The following CPNE5 variants were observed in gnomAD, a reference collection of about 807,000 sequenced individuals.
CPNE5 encodes copine 5.
A neutral mutation model predicts 81.1 loss-of-function variants in CPNE5; 42 were observed. The observed-to-expected ratio is 0.52, with a 90% CI of 0.40 to 0.67. CPNE5 has a LOEUF of 0.67. Among genes scored for constraint, CPNE5 ranks in the 30% least tolerant of loss-of-function variants. The pLI is 0.00. For synonymous variants in CPNE5, 313 were observed against 321.5 expected (o/e 0.97, Z 0.28); for missense variants, 612 against 815.5 (o/e 0.75, Z 3.04).
At position 36,839,223 on chromosome 6, in the gene CPNE5, G is replaced by A; in HGVS notation, c.95+60C>T. On this transcript the variant is annotated intron_variant, in intron 1 of 20. Coordinates refer to ENST00000244751, the MANE Select transcript of CPNE5 (RefSeq NM_020939.2). This position sits in a 1 kb window ranked among gnomAD's most constrained non-coding sequence, Gnocchi z 7.3. ...CGGAGGTTTAGGATCGAAGCGGCAG[G>A]GGCCGCGGGGCTCTGCGTCCAGGGC... is the stretch of plus-strand genomic sequence containing the variant. 5.4e-6 allele frequency: 7 copies of A among 1,286,364 alleles called. No homozygotes were observed. The South Asian group carries it at 7.2e-5, about 13-fold the overall frequency. 79.7% of individuals were successfully genotyped at this position (1,286,364 alleles called of 1,614,324 possible).
At chr6:36,765,299 A>G in intron 11 of CPNE5, 36 bp downstream of exon 11, 1 of 1,608,656 alleles carries the variant, frequency 6.2e-7, no homozygotes, top group East Asian at 2.2e-5. Flanking sequence ...CCCCATCCCC[A>G]CTCACCTTCT....
At chr6:36,836,374 G>T (rs1206935107) in intron 1 of CPNE5, among the ~76,000 whole-genome samples, 1 of 152,170 alleles carries the variant, frequency 6.6e-6, no homozygotes, top group East Asian at 1.9e-4. Context: ...GCAGAAGAAG[G>T]CTCTGTGGTA....
At chr6:36,795,532 G>T (rs1461121725) in intron 6 of CPNE5, among the ~76,000 whole-genome samples, 1 of 152,098 alleles carries the variant, frequency 6.6e-6, no homozygotes, top group Non-Finnish European at 1.5e-5. Context: ...CATGGCAGTG[G>T]ACCCTAATCC....
intron 10 of CPNE5, among the ~76,000 whole-genome samples, chr6:36,767,607 C>T (rs1325760305): frequency 2.0e-5 from 3 of 152,124 alleles, no homozygotes; most frequent in Non-Finnish European, 4.4e-5. Context: ...GAATAGCTCT[C>T]CTCTGACCAC....
chr6:36,744,356 T>C (rs1286744553), intron 18 of CPNE5, 31 bp from the exon 19 acceptor site: 1 of 1,536,444 alleles, frequency 6.5e-7, no homozygotes, highest in Non-Finnish European at 8.9e-7. Flanking sequence ...CAGGGAAAGG[T>C]TGGACCCAAT....
intron 3 of CPNE5, among the ~76,000 whole-genome samples, chr6:36,803,862 T>C (rs996375156): frequency 6.6e-6 from 1 of 152,162 alleles, no homozygotes; most frequent in Non-Finnish European, 1.5e-5. Flanking sequence ...TAAATACAAA[T>C]CTCAGTGGGT....
intron 7 of CPNE5, among the ~76,000 whole-genome samples, chr6:36,794,067 G>A (rs987473936): frequency 2.0e-5 from 3 of 152,168 alleles, no homozygotes; most frequent in South Asian, 2.1e-4. Flanking sequence ...CTGGCCCACC[G>A]CAGCTGGCGA....
chr6:36,811,957 A>G (rs1040022897), intron 3 of CPNE5, among the ~76,000 whole-genome samples: 8 of 152,168 alleles, frequency 5.3e-5, no homozygotes, highest in African/African-American at 1.9e-4. Context: ...TACAAAAATT[A>G]GCTGGGGGTG....
chr6:36,748,223 T>C lies in CPNE5; in HGVS notation c.1016A>G (p.Asn339Ser), dbSNP rs745867781. 4 of 1,614,014 alleles carry C rather than the reference T, an allele frequency of 2.5e-6. No individual in the cohort carries two copies. Among genetic ancestry groups the C allele is most frequent in the East Asian group, 4.5e-5 (2 of 44,882 alleles). Residue 339 changes from asparagine (N) to serine (S), a missense_variant and splice_region_variant, in exon 15 of 21, where the codon AAT becomes AGT. Physicochemically the swap from Asn to Ser is conservative, Grantham distance 46 (BLOSUM62 1). Coordinates refer to ENST00000244751, the MANE Select transcript of CPNE5 (RefSeq NM_020939.2). Reference sequence around the variant, plus strand: ...CCTCTACCCATCCCCCAACTCACCATTGGAGGCAGTGAAATCAATGGCCAC... The same window carrying C: ...CCTCTACCCATCCCCCAACTCACCACTGGAGGCAGTGAAATCAATGGCCAC... Reference protein sequence around the residue: ...FTVAIDFTASNGNPSQSTSLH... With the variant: ...FTVAIDFTASSGNPSQSTSLH...
At chr6:36,838,519 CA>C (rs1428939234) in intron 1 of CPNE5, among the ~76,000 whole-genome samples, 3 of 152,244 alleles carry the variant, frequency 2.0e-5, no homozygotes, top group Non-Finnish European at 4.4e-5. Flanking sequence ...AAGTTACCCC[CA>C]AACCCTGTGT....
chr6:36,770,488 T>C (rs144509496), intron 10 of CPNE5, among the ~76,000 whole-genome samples: 1 of 152,310 alleles, frequency 6.6e-6, no homozygotes, highest in Non-Finnish European at 1.5e-5. Context: ...ACACCCATCA[T>C]TCCGAGAACA....
intron 10 of CPNE5, among the ~76,000 whole-genome samples, chr6:36,769,545 A>C (rs1766873550): frequency 6.6e-6 from 1 of 152,214 alleles, no homozygotes. Flanking sequence ...TGCGGCTTAC[A>C]AGTCCCGAGG....
upstream of CPNE5, chr6:36,839,473 A>G: frequency 9.5e-7 from 1 of 1,047,210 alleles, no homozygotes; most frequent in Admixed American, 2.7e-5. This position sits in a 1 kb window ranked among gnomAD's most constrained non-coding sequence, Gnocchi z 7.3. Flanking sequence ...CCAACTCCAG[A>G]GCCTGGGCTG....
In CPNE5 at chr6:36,774,992, C is replaced by T. The variant is rs181945782; in HGVS notation, c.706G>A (p.Val236Met). Residue 236 changes from valine to methionine, a missense_variant, in exon 10 of 21, where the codon GTG (valine) becomes ATG (methionine). Coordinates refer to ENST00000244751, the MANE Select transcript of CPNE5 (RefSeq NM_020939.2). ...TAGTCGCCGTTGCAGAGGGCTCTCA[C>T]GGGAATGGAGAAAGTTTGCCAGACT... The part of the protein sequence containing the change: ...NPVWQTFSIP[V>M]RALCNGDYDR... 2.6e-4 allele frequency: 427 copies of T among 1,614,114 alleles called. 2 individuals carry two copies. In the East Asian group the frequency reaches 3.1e-3, roughly 12 times the overall value.
At chr6:36,749,464 A>G (rs1209078003) in intron 14 of CPNE5, among the ~76,000 whole-genome samples, 1 of 152,184 alleles carries the variant, frequency 6.6e-6, no homozygotes, top group Non-Finnish European at 1.5e-5. Flanking sequence ...TTAATTTTTT[A>G]GGTGTGGTTA....
At chr6:36,791,956 G>A in intron 8 of CPNE5, 77 bp downstream of exon 8, 2 of 1,307,528 alleles carry the variant, frequency 1.5e-6, no homozygotes, top group Non-Finnish European at 2.2e-6. Context: ...GTTCCCTCCA[G>A]GGGCTCAGGG....
intron 1 of CPNE5, chr6:36,827,550 A>G (rs947089877): frequency 1.0e-6 from 1 of 985,178 alleles, no homozygotes; most frequent in African/African-American, 1.7e-5. Flanking sequence ...ATGTTGAGAC[A>G]CCGTCTCTTA....
chr6:36,755,815 T>C (rs1405762145), intron 13 of CPNE5: 1 of 186,650 alleles, frequency 5.4e-6, no homozygotes, highest in Non-Finnish European at 1.1e-5. Context: ...TACCACTTTC[T>C]AGCTGTGTGA....
intron 10 of CPNE5, among the ~76,000 whole-genome samples, chr6:36,770,494 G>A (rs1264371339): frequency 6.6e-6 from 1 of 152,094 alleles, no homozygotes; most frequent in African/African-American, 2.4e-5. Context: ...ATCATTCCGA[G>A]AACACTGCCC....
Sources: gnomAD v4.1 joint callset for allele counts (sites outside exome capture counted in the v4.1 genomes callset) on GRCh38, gnomAD v4.1.1 for gene constraint, Gnocchi (gnomAD v3.1) non-coding constraint, MANE v1.5 for transcripts, NCBI Gene and HGNC (gene_info 2026-07-23, HGNC 2026-07-21) for gene names.